The following GJB7 variants were observed in gnomAD, a reference collection of about 807,000 sequenced individuals.
GJB7 encodes gap junction beta-7 protein.
For synonymous variants in GJB7, 87 were observed against 95.2 expected, an observed-to-expected ratio of 0.91 and a Z score of 0.50; for missense variants, 253 against 256.8, an observed-to-expected ratio of 0.99 and a Z score of 0.10.
At chr6:87,298,847 C>T in intron 2 of GJB7, 1 of 377,056 alleles carries the variant, frequency 2.7e-6, no homozygotes, top group Non-Finnish European at 5.3e-6. Context: ...CAGGATTTTG[C>T]CAAAGATGTA....
intron 1 of GJB7, among the ~76,000 whole-genome samples, chr6:87,326,009 C>T (rs191152829): frequency 2.6e-5 from 4 of 152,298 alleles, no homozygotes; most frequent in Admixed American, 6.5e-5. Flanking sequence ...GTGTATGTGT[C>T]GAGGAACTTA....
chr6:87,302,685 A>G (rs1776352506), intron 2 of GJB7, among the ~76,000 whole-genome samples: 4 of 152,324 alleles, frequency 2.6e-5, no homozygotes, highest in Admixed American at 2.0e-4. Context: ...GAATGCCACA[A>G]AGATACTCCT....
intron 1 of GJB7, among the ~76,000 whole-genome samples, chr6:87,328,844 C>T (rs898342048): frequency 2.0e-5 from 3 of 152,212 alleles, no homozygotes; most frequent in Non-Finnish European, 4.4e-5. Flanking sequence ...GGCGCCCCTC[C>T]CCCAGCCTCA....
intron 2 of GJB7, among the ~76,000 whole-genome samples, chr6:87,302,299 C>G (rs1460122719): frequency 6.6e-6 from 1 of 152,080 alleles, no homozygotes; most frequent in Non-Finnish European, 1.5e-5. Flanking sequence ...AGATGAATGG[C>G]TAACTAGAAT....
intron 2 of GJB7, among the ~76,000 whole-genome samples, chr6:87,312,663 A>G (rs1776528648): frequency 6.6e-6 from 1 of 152,230 alleles, no homozygotes; most frequent in Admixed American, 6.5e-5. Context: ...CAAGTATACA[A>G]GCCAATTATC....
intron 2 of GJB7, among the ~76,000 whole-genome samples, chr6:87,317,439 T>TA (rs1017155605): frequency 2.6e-5 from 4 of 151,362 alleles, no homozygotes; most frequent in Admixed American, 6.6e-5. Flanking sequence ...TTTCCTTTTT[T>TA]TTTTTTTGAG....
intron 2 of GJB7, among the ~76,000 whole-genome samples, chr6:87,312,230 C>T (rs56305030): frequency 0.07 from 10,673 of 151,826 alleles, 769 homozygotes; most frequent in African/African-American, 0.19. Flanking sequence ...TGGAGGTGGT[C>T]GGGCCGGGTG....
At chr6:87,317,433 C>T in intron 2 of GJB7, among the ~76,000 whole-genome samples, 1 of 142,978 alleles carries the variant, frequency 7.0e-6, no homozygotes, top group African/African-American at 2.6e-5. Context: ...TAATCTTTTC[C>T]TTTTTTTTTT....
At chr6:87,324,680 G>GTA (rs1776771079) in intron 1 of GJB7, among the ~76,000 whole-genome samples, 1 of 151,256 alleles carries the variant, frequency 6.6e-6, no homozygotes, top group Non-Finnish European at 1.5e-5. Flanking sequence ...TAGCCTTGTA[G>GTA]TATACTTTGA....
At chr6:87,323,641 A>G (rs1218948025) in intron 1 of GJB7, among the ~76,000 whole-genome samples, 5 of 152,082 alleles carry the variant, frequency 3.3e-5, no homozygotes, top group Non-Finnish European at 5.9e-5. Context: ...TACATGGTGT[A>G]TATGTGCCAC....
At chr6:87,288,832 C>T (rs1372382197) in intron 2 of GJB7, among the ~76,000 whole-genome samples, 2 of 152,224 alleles carry the variant, frequency 1.3e-5, no homozygotes, top group Non-Finnish European at 2.9e-5. Context: ...GCTTCCACCA[C>T]TCTAATCCAT....
chr6:87,306,815 C>T (rs1649551604), intron 2 of GJB7, among the ~76,000 whole-genome samples: 1 of 152,114 alleles, frequency 6.6e-6, no homozygotes, highest in African/African-American at 2.4e-5. Context: ...GAAAATGTGG[C>T]ACATATACAC....
At chr6:87,294,160 G>A (rs1240837839) in intron 2 of GJB7, among the ~76,000 whole-genome samples, 2 of 152,162 alleles carry the variant, frequency 1.3e-5, no homozygotes, top group Non-Finnish European at 2.9e-5. Context: ...AATAAGAAAG[G>A]CAGAACTGGA....
intron 2 of GJB7, among the ~76,000 whole-genome samples, chr6:87,304,776 A>G (rs1196147367): frequency 1.3e-5 from 2 of 152,252 alleles, no homozygotes; most frequent in African/African-American, 4.8e-5. Flanking sequence ...AAAATCCTCA[A>G]TAAAATACTA....
intron 2 of GJB7, among the ~76,000 whole-genome samples, chr6:87,307,637 A>T (rs1466681207): frequency 6.6e-6 from 1 of 152,246 alleles, no homozygotes; most frequent in Non-Finnish European, 1.5e-5. Flanking sequence ...GCTCATCATC[A>T]CTGGACATCA....
At chr6:87,320,233 G>A (rs964112175) in intron 2 of GJB7, among the ~76,000 whole-genome samples, 3 of 152,154 alleles carry the variant, frequency 2.0e-5, no homozygotes, top group Admixed American at 1.3e-4. Flanking sequence ...TTACCCTGAT[G>A]TGATTATTAT....
At chr6:87,309,536 C>G (rs1178591585) in intron 2 of GJB7, among the ~76,000 whole-genome samples, 2 of 152,124 alleles carry the variant, frequency 1.3e-5, no homozygotes, top group Non-Finnish European at 2.9e-5. Flanking sequence ...ACAGTCTCTT[C>G]CGTGGTGAGC....
chr6:87,303,113 A>G (rs1360902990), intron 2 of GJB7, among the ~76,000 whole-genome samples: 1 of 152,224 alleles, frequency 6.6e-6, no homozygotes, highest in African/African-American at 2.4e-5. Flanking sequence ...AAGAAACTGC[A>G]TCAACTTATG....
At chr6:87,304,604 G>A (rs1452235749) in intron 2 of GJB7, among the ~76,000 whole-genome samples, 1 of 152,152 alleles carries the variant, frequency 6.6e-6, no homozygotes, top group Non-Finnish European at 1.5e-5. Flanking sequence ...GTACAAGGAG[G>A]AGTTGGTACC....
Sources: allele counts gnomAD v4.1 joint callset (sites outside exome capture counted in the v4.1 genomes callset), GRCh38; gene constraint gnomAD v4.1.1; transcripts MANE v1.5; gene names NCBI Gene and HGNC (gene_info 2026-07-23, HGNC 2026-07-21).